TMTC2: variants seen among roughly 807,000 people sequenced by gnomAD.
TMTC2 encodes protein O-mannosyl-transferase TMTC2.
TMTC2 carries 43 observed loss-of-function variants against 82.4 expected under a neutral mutation model. The observed-to-expected ratio is 0.52, with a 90% CI of 0.41 to 0.67. TMTC2 has a LOEUF of 0.67. TMTC2 is among the 30% of genes least tolerant of loss of function. The probability of loss-of-function intolerance (pLI) is 0.00; values close to 1 mark genes in which losing one functional copy is unlikely to be tolerated. For missense variants in TMTC2, 919 were observed against 1,012.4 expected (o/e 0.91, Z 1.25); for synonymous variants, 408 against 381.9 (o/e 1.07, Z -0.80).
intron 4 of TMTC2, among the ~76,000 whole-genome samples, chr12:82,944,581 A>T (rs1337580791): frequency 6.6e-6 from 1 of 150,658 alleles, no homozygotes; most frequent in Admixed American, 6.6e-5. Context: ...AAAAAAAAAA[A>T]AGGAAAAGAA....
At chr12:83,032,489 G>T (rs1881480178) in intron 9 of TMTC2, among the ~76,000 whole-genome samples, 1 of 151,202 alleles carries the variant, frequency 6.6e-6, no homozygotes, top group South Asian at 2.1e-4. Context: ...GATAGTAGCG[G>T]GTATTTCTCC....
At position 82,870,345 on chromosome 12, in the gene TMTC2, A is replaced by G. The variant is rs2733623; in HGVS notation, c.654+12765A>G. On this transcript the variant is annotated intron_variant, in intron 2 of 11. Transcript: ENST00000321196. ...TTCAAATGGAATGTTTGCTTCTGCAAATAACACAAGCTTAACGCAAAGAGA... is the reference window on the plus strand; with the variant it reads ...TTCAAATGGAATGTTTGCTTCTGCAGATAACACAAGCTTAACGCAAAGAGA... Among the ~76,000 whole-genome samples the G allele has an allele frequency of 5.6e-3, 846 of 152,336 alleles. 4 individuals are homozygous for G. Among genetic ancestry groups the G allele is most frequent in the African/African-American group, 0.019 (802 of 41,576 alleles).
chr12:82,823,528 C>G (rs540584817), intron 1 of TMTC2, among the ~76,000 whole-genome samples: 3 of 152,258 alleles, frequency 2.0e-5, no homozygotes, highest in South Asian at 2.1e-4. Flanking sequence ...AATTAAAAAT[C>G]AAAGTGTTTA....
Position 82,965,020 on chromosome 12 carries a change from G to A in TMTC2, c.1599-4G>A. On this transcript the variant is annotated splice_polypyrimidine_tract_variant and splice_region_variant and intron_variant, in intron 4 of 11. Transcript: ENST00000321196. ...TTCTCTAAATTTCTGTTTTCCTCAT[G>A]CAGAGGGCTACTTCTCCAGGAGAAC... 9 of 1,607,840 alleles carry A rather than the reference G, an allele frequency of 5.6e-6. No homozygotes were observed. The highest frequency in any genetic ancestry group is 1.3e-5 in the African/African-American group (1 of 74,658).
chr12:82,984,973 T>G (rs1879091729), intron 7 of TMTC2, among the ~76,000 whole-genome samples: 1 of 152,044 alleles, frequency 6.6e-6, no homozygotes, highest in Non-Finnish European at 1.5e-5. Flanking sequence ...GCTTAATAAT[T>G]GTCATCTGTT....
intron 3 of TMTC2, among the ~76,000 whole-genome samples, chr12:82,914,817 A>ATTTT (rs71068958): frequency 1.4e-3 from 123 of 86,398 alleles, no homozygotes; most frequent in East Asian, 2.1e-3. Flanking sequence ...CAACTCACTT[A>ATTTT]TTTTTTTTTT....
chr12:82,815,857 C>G (rs1312302977), intron 1 of TMTC2, among the ~76,000 whole-genome samples: 2 of 152,034 alleles, frequency 1.3e-5, no homozygotes, highest in African/African-American at 4.8e-5. Context: ...ACTTGTATTA[C>G]AAAGGATAAA....
At chr12:83,065,714 T>C (rs17010586) in intron 11 of TMTC2, among the ~76,000 whole-genome samples, 8,960 of 151,980 alleles carry the variant, frequency 0.059, 311 homozygotes, top group Middle Eastern at 0.082. Context: ...GTCTTCTCTC[T>C]CACTAATGGG....
chr12:83,065,195 T>A (rs1158719097), intron 11 of TMTC2, among the ~76,000 whole-genome samples: 1 of 151,988 alleles, frequency 6.6e-6, no homozygotes, highest in Non-Finnish European at 1.5e-5. Flanking sequence ...TAGGATATTC[T>A]TTCTTAATAA....
intron 1 of TMTC2, among the ~76,000 whole-genome samples, chr12:82,732,531 A>G (rs1030486512): frequency 3.3e-5 from 5 of 151,856 alleles, no homozygotes; most frequent in African/African-American, 1.2e-4. Flanking sequence ...TTTTAGTAGA[A>G]ATGGGGTTTC....
intron 9 of TMTC2, among the ~76,000 whole-genome samples, chr12:83,037,133 C>T (rs184804840): frequency 6.6e-6 from 1 of 152,266 alleles, no homozygotes; most frequent in Admixed American, 6.5e-5. Flanking sequence ...CATATCCAAA[C>T]CGTAGCAGAT....
intron 1 of TMTC2, among the ~76,000 whole-genome samples, chr12:82,842,911 C>G (rs1870417477): frequency 6.6e-6 from 1 of 152,104 alleles, no homozygotes; most frequent in Non-Finnish European, 1.5e-5. Context: ...TTTAAAGATC[C>G]TATCTACAAA....
At chr12:82,971,957 A>T (rs187578242) in intron 7 of TMTC2, among the ~76,000 whole-genome samples, 1 of 152,284 alleles carries the variant, frequency 6.6e-6, no homozygotes, top group East Asian at 1.9e-4. Context: ...GCCTCTCTGT[A>T]ATAATTAAAT....
intron 11 of TMTC2, among the ~76,000 whole-genome samples, chr12:83,079,030 A>G (rs1205142677): frequency 2.0e-5 from 3 of 152,172 alleles, no homozygotes; most frequent in African/African-American, 4.8e-5. Flanking sequence ...TACAAAATAT[A>G]TATGTATAAG....
chr12:83,122,281 C>T (rs1263985806), intron 11 of TMTC2, among the ~76,000 whole-genome samples: 2 of 151,466 alleles, frequency 1.3e-5, no homozygotes, highest in African/African-American at 4.9e-5. Flanking sequence ...TTTCCTTCTT[C>T]CCCCGCCTGT....
intron 1 of TMTC2, among the ~76,000 whole-genome samples, chr12:82,789,106 T>A (rs900709248): frequency 6.6e-6 from 1 of 152,228 alleles, no homozygotes; most frequent in African/African-American, 2.4e-5. Flanking sequence ...CTTTTTTGAT[T>A]CGGCTTCCTT....
At chr12:83,041,382 A>G (rs1241833718) in intron 9 of TMTC2, among the ~76,000 whole-genome samples, 1 of 152,210 alleles carries the variant, frequency 6.6e-6, no homozygotes, top group African/African-American at 2.4e-5. Flanking sequence ...CAGTGTCATA[A>G]TCTAGAGAGG....
chr12:83,115,782 C>CTGT (rs374555944), intron 11 of TMTC2, among the ~76,000 whole-genome samples: 4,431 of 151,448 alleles, frequency 0.029, 192 homozygotes, highest in African/African-American at 0.094. Context: ...ATTGTAGTTT[C>CTGT]TGTTGTTGTT....
intron 1 of TMTC2, among the ~76,000 whole-genome samples, chr12:82,828,848 G>A (rs973222423): frequency 2.0e-5 from 3 of 151,970 alleles, no homozygotes; most frequent in Non-Finnish European, 2.9e-5. Flanking sequence ...ATTATTTTCA[G>A]GGGCAATAAC....
Sources: gnomAD v4.1 joint callset for allele counts (sites outside exome capture counted in the v4.1 genomes callset) on GRCh38, gnomAD v4.1.1 for gene constraint, MANE v1.5 for transcripts, NCBI Gene and HGNC (gene_info 2026-07-23, HGNC 2026-07-21) for gene names.